The following TCF7L1 variants were observed in gnomAD, a reference collection of about 807,000 sequenced individuals.
The protein encoded by TCF7L1 is transcription factor 7 like 1.
A neutral mutation model predicts 63.7 loss-of-function variants in TCF7L1; 18 were observed. The ratio of observed to expected loss-of-function variants is 0.28; its 90% CI spans 0.20 to 0.42. The LOEUF (loss-of-function observed/expected upper bound fraction) is 0.42, where lower values mean the gene tolerates loss of function less well. Ranked by LOEUF, TCF7L1 falls within the 10% of genes least tolerant of loss-of-function variation. The pLI, the probability that TCF7L1 is intolerant of heterozygous loss-of-function variation, is 1.00. For missense variants in TCF7L1, 654 were observed against 779.3 expected, an observed-to-expected ratio of 0.84 and a Z score of 1.91; for synonymous variants, 355 against 340.9, an observed-to-expected ratio of 1.04 and a Z score of -0.46.
chr2:85,309,007 CT>C, intron 11 of TCF7L1, 21 bp from the exon 12 acceptor site: 1 of 1,534,304 alleles, frequency 6.5e-7, no homozygotes, highest in South Asian at 1.2e-5. Flanking sequence ...GCTGCTCACT[CT>C]TTCTTGTATT....
intron 3 of TCF7L1, among the ~76,000 whole-genome samples, chr2:85,192,874 T>C (rs997290841): frequency 1.3e-5 from 2 of 151,636 alleles, no homozygotes; most frequent in Non-Finnish European, 2.9e-5. Context: ...AAATTTTTGT[T>C]TCTCTACCAA....
At chr2:85,247,938 G>T in intron 3 of TCF7L1, among the ~76,000 whole-genome samples, 1 of 152,120 alleles carries the variant, frequency 6.6e-6, no homozygotes, top group Admixed American at 6.5e-5. Context: ...AAACAGAAGC[G>T]AATCTAGGCC....
intron 3 of TCF7L1, among the ~76,000 whole-genome samples, chr2:85,175,221 ACAGGGGAT>A (rs1164675080): frequency 6.6e-6 from 1 of 152,208 alleles, no homozygotes; most frequent in Non-Finnish European, 1.5e-5. Flanking sequence ...TGCTCTTTGG[ACAGGGGAT>A]CAGGTTTAAA....
At chr2:85,198,085 T>C (rs996226394) in intron 3 of TCF7L1, among the ~76,000 whole-genome samples, 3 of 152,216 alleles carry the variant, frequency 2.0e-5, no homozygotes, top group Admixed American at 2.0e-4. Context: ...GGTGGGAGAC[T>C]GAAGTCCTCA....
At chr2:85,307,554 C>A in intron 10 of TCF7L1, 88 bp from the exon 11 acceptor site, 1 of 1,129,736 alleles carries the variant, frequency 8.9e-7, no homozygotes, top group Non-Finnish European at 1.3e-6. Context: ...TAAAGGGCAA[C>A]GTCCTGTCTT....
rs1170759624 is a variant in TCF7L1, at chr2:85,305,012, T to C, written c.846-248T>C. ...CCGGGCCTCTGACCCTCCTCCCCTT[T>C]TGTGTGTTTCATCCCACCTGCTTCC... On this transcript the variant is annotated intron_variant, in intron 7 of 11. Coordinates refer to ENST00000282111, the MANE Select transcript of TCF7L1 (RefSeq NM_031283.3). Among the ~76,000 whole-genome samples the C allele has an allele frequency of 2.0e-5, 3 of 152,124 alleles. No homozygotes were observed. In the East Asian group the frequency reaches 5.8e-4, roughly 29 times the overall value.
intron 3 of TCF7L1, among the ~76,000 whole-genome samples, chr2:85,144,974 A>G (rs1451829566): frequency 1.3e-5 from 2 of 150,492 alleles, no homozygotes; most frequent in Non-Finnish European, 3.0e-5. Flanking sequence ...AATCCCAGCT[A>G]CTCGGGAGGC....
rs551277827 is a variant in TCF7L1, at chr2:85,290,332, C to T, written c.525+6754C>T. Among the ~76,000 whole-genome samples the T allele has an allele frequency of 1.3e-3, 203 of 152,066 alleles. 1 individual carries two copies. Among genetic ancestry groups the T allele is most frequent in the African/African-American group, 4.5e-3 (188 of 41,466 alleles). On this transcript the variant is annotated intron_variant, in intron 4 of 11. Coordinates refer to ENST00000282111, the MANE Select transcript of TCF7L1 (RefSeq NM_031283.3). ...CTGTGCATATATTTGTATACGTGTG[C>T]GCTTTTCCCCCCATTTAAAAAAAAT...
At chr2:85,139,856 A>G (rs1399718501) in intron 3 of TCF7L1, among the ~76,000 whole-genome samples, 1 of 152,188 alleles carries the variant, frequency 6.6e-6, no homozygotes, top group East Asian at 1.9e-4. Flanking sequence ...CATGGAAGGA[A>G]TCTGATCTTA....
chr2:85,293,150 T>C (rs1166479736), intron 4 of TCF7L1, among the ~76,000 whole-genome samples: 3 of 152,316 alleles, frequency 2.0e-5, no homozygotes, highest in East Asian at 1.9e-4. Flanking sequence ...TAATATTCCA[T>C]TGGTCAGAGC....
chr2:85,168,646 G>C lies in TCF7L1; in HGVS notation c.441+34196G>C, dbSNP rs570735770. ...TACGACTTTTTTTTTTTTTGAGACA[G>C]AGCCTCACTCTGTCACCCAGGCTGG... On this transcript the variant is annotated intron_variant, in intron 3 of 11. Coordinates refer to ENST00000282111, the MANE Select transcript of TCF7L1 (RefSeq NM_031283.3). Among the ~76,000 whole-genome samples, 10 of 151,594 alleles carry C rather than the reference G, an allele frequency of 6.6e-5. No homozygotes were observed. The South Asian group carries it at 1.5e-3, about 22-fold the overall frequency.
chr2:85,294,497 G>C (rs1170413491), intron 4 of TCF7L1, among the ~76,000 whole-genome samples: 1 of 152,152 alleles, frequency 6.6e-6, no homozygotes, highest in South Asian at 2.1e-4. Flanking sequence ...ACTGAGCTTT[G>C]AGAACCACTG....
chr2:85,215,779 AG>A (rs1679688897), intron 3 of TCF7L1, among the ~76,000 whole-genome samples: 1 of 8,462 alleles, frequency 1.2e-4, no homozygotes, highest in Non-Finnish European at 2.5e-4. Flanking sequence ...GGGGGGGGTG[AG>A]GGGGGTGGTG....
chr2:85,149,152 T>C (rs1035808717), intron 3 of TCF7L1, among the ~76,000 whole-genome samples: 1 of 152,132 alleles, frequency 6.6e-6, no homozygotes, highest in African/African-American at 2.4e-5. Context: ...CAAAAGCAAT[T>C]AGTATTTAGT....
intron 3 of TCF7L1, chr2:85,213,551 C>A (rs761155131): frequency 6.6e-6 from 1 of 152,120 alleles, no homozygotes; most frequent in African/African-American, 2.4e-5. Flanking sequence ...CGGCTGATGG[C>A]ACTAGATCCC....
intron 3 of TCF7L1, among the ~76,000 whole-genome samples, chr2:85,266,811 C>T (rs1022714219): frequency 2.0e-5 from 3 of 152,174 alleles, no homozygotes; most frequent in Non-Finnish European, 4.4e-5. Flanking sequence ...CATCCCCTTC[C>T]AATTATTTTT....
chr2:85,277,986 G>A (rs556272477), intron 3 of TCF7L1, among the ~76,000 whole-genome samples: 18 of 152,294 alleles, frequency 1.2e-4, no homozygotes, highest in Middle Eastern at 3.4e-3. Context: ...GTAGCTCATT[G>A]GCAGTCCTGC....
In TCF7L1 at chr2:85,274,908, T is replaced by G. The variant is rs114140927; in HGVS notation, c.442-8587T>G. ...CCACACTCTGCCTGGTCCTCTCCAG[T>G]GTGAGAGGACACTCACACTTGAGTG... On this transcript the variant is annotated intron_variant, in intron 3 of 11. Transcript: ENST00000282111. Among the ~76,000 whole-genome samples the G allele has an allele frequency of 6.0e-3, 915 of 152,258 alleles. 10 individuals carry two copies. Among genetic ancestry groups the G allele is most frequent in the African/African-American group, 0.02 (828 of 41,556 alleles).
chr2:85,150,130 A>T (rs1248882565), intron 3 of TCF7L1, among the ~76,000 whole-genome samples: 1 of 150,890 alleles, frequency 6.6e-6, no homozygotes, highest in African/African-American at 2.4e-5. Flanking sequence ...TTATTTATTC[A>T]TTTTTTTTGG....
Sources: allele counts gnomAD v4.1 joint callset (sites outside exome capture counted in the v4.1 genomes callset), GRCh38; gene constraint gnomAD v4.1.1; transcripts MANE v1.5; gene names NCBI Gene and HGNC (gene_info 2026-07-23, HGNC 2026-07-21).